The following SH3TC1 variants were observed in gnomAD, a reference collection of about 807,000 sequenced individuals.
SH3TC1 encodes the protein SH3 domain and tetratricopeptide repeats 1.
SH3TC1 carries 135 observed loss-of-function variants against 117.3 expected under a neutral mutation model. That is an observed-to-expected ratio of 1.15 (90% CI 1.00 to 1.33). The LOEUF is 1.33. Ranked by LOEUF, SH3TC1 falls within the 40% of genes most tolerant of loss-of-function variation. The probability of loss-of-function intolerance (pLI) is 0.00; values close to 1 mark genes in which losing one functional copy is unlikely to be tolerated. For missense variants in SH3TC1, 2,092 were observed against 1,794.3 expected (o/e 1.17, Z -3.00); for synonymous variants, 898 against 816.9 (o/e 1.10, Z -1.69).
chr4:8,208,276 C>T (rs1352081085), intron 2 of SH3TC1, among the ~76,000 whole-genome samples: 4 of 152,106 alleles, frequency 2.6e-5, no homozygotes, highest in Non-Finnish European at 5.9e-5. Flanking sequence ...GGGGCATCTG[C>T]GGGGTGTGTT....
At position 8,227,814 on chromosome 4, in the gene SH3TC1, C is replaced by G. The variant is rs1720664268; in HGVS notation, c.2120C>G (p.Ser707Ter). 5 of 1,612,810 alleles carry G rather than the reference C, an allele frequency of 3.1e-6. No homozygotes were observed. Among genetic ancestry groups the G allele is most frequent in the Non-Finnish European group, 4.2e-6 (5 of 1,179,976 alleles). Residue 707 changes from serine to a stop codon, truncating the protein, a stop_gained, in exon 12 of 18, where the codon TCA becomes TGA. Transcript: ENST00000245105. LOFTEE classifies it high-confidence loss of function. The stretch of plus-strand genomic sequence containing the variant: ...GGAGCCCCAGAGGCCGCGTGGCTCT[C>G]AGACTGCTACCTACTCCTGGCTGAC... The part of the protein sequence containing the change: ...DSGAPEAAWL[S>*]DCYLLLADIY...
rs772989573 is a variant in SH3TC1 at position 8,237,654 on chromosome 4, T to C, written c.3737T>C (p.Ile1246Thr). 1.2e-6 allele frequency: 2 copies of C among 1,606,174 alleles called. 1 individual carries two copies. The highest frequency in any genetic ancestry group is 2.2e-5 in the South Asian group (2 of 89,912). Residue 1246 changes from isoleucine to threonine, a missense_variant, in exon 17 of 18, where the codon ATC (isoleucine) becomes ACC (threonine). Physicochemically the swap from Ile to Thr is moderately conservative, Grantham distance 89 (BLOSUM62 -1). Transcript: ENST00000245105. Reference protein sequence around the residue: ...VKVYLVLGDIIFYDLKDPFDA... With the variant: ...VKVYLVLGDITFYDLKDPFDA... ...GTGTACCTGGTGCTCGGTGACATCA[T>C]CTTCTACGACCTGAAGGTGGGTGGG...
rs1050395109 is a variant in SH3TC1 at position 8,228,360 on chromosome 4, C to A, written c.2666C>A (p.Ala889Asp). Residue 889 changes from alanine (A) to aspartate (D), a missense_variant, in exon 12 of 18, where the codon GCC becomes GAC. By Grantham distance (126) the Ala-to-Asp change is moderately radical. Coordinates refer to ENST00000245105, the MANE Select transcript of SH3TC1 (RefSeq NM_018986.5). ...CAGGCAGCTGAGAGCTACTACCGCGCCCTGCGGGTGGCTCGGGACCTGGGC... is the reference window on the plus strand; with the variant it reads ...CAGGCAGCTGAGAGCTACTACCGCGACCTGCGGGTGGCTCGGGACCTGGGC... ...TRQAAESYYR[A>D]LRVARDLGQQ... The A allele has an allele frequency of 5.0e-6, 8 of 1,611,814 alleles. No homozygotes were observed. The highest frequency in any genetic ancestry group is 6.8e-6 in the Non-Finnish European group (8 of 1,179,750).
chr4:8,188,764 C>A (rs1717314850), intron 1 of SH3TC1, among the ~76,000 whole-genome samples: 1 of 152,236 alleles, frequency 6.6e-6, no homozygotes, highest in East Asian at 1.9e-4. Flanking sequence ...CTGGGAGACA[C>A]CCCAGCGGGT....
chr4:8,237,825 C>G (rs1721963664), intron 17 of SH3TC1, among the ~76,000 whole-genome samples, 155 bp downstream of exon 17: 1 of 152,142 alleles, frequency 6.6e-6, no homozygotes, highest in Non-Finnish European at 1.5e-5. Context: ...GCAAGGTTAG[C>G]AGACACAACC....
At chr4:8,202,740 TGACTGTGG>T (rs1463227725) in intron 1 of SH3TC1, among the ~76,000 whole-genome samples, 6 of 152,200 alleles carry the variant, frequency 3.9e-5, no homozygotes, top group Admixed American at 2.6e-4. Context: ...GAGCCTTCCC[TGACTGTGG>T]GATTCCCTCC....
At chr4:8,232,305 G>T (rs1222286229) in intron 13 of SH3TC1, 149 bp downstream of exon 13, 5 of 1,466,176 alleles carry the variant, frequency 3.4e-6, no homozygotes, top group Non-Finnish European at 4.6e-6. Context: ...GAGCTGGGGG[G>T]CCTGGGGTTG....
intron 1 of SH3TC1, among the ~76,000 whole-genome samples, chr4:8,204,118 G>C (rs1718011426): frequency 6.6e-6 from 1 of 152,214 alleles, no homozygotes; most frequent in African/African-American, 2.4e-5. Context: ...CCAGACAGAG[G>C]TCAGAGGCAT....
At chr4:8,194,332 G>A (rs1717498369), upstream of SH3TC1, among the ~76,000 whole-genome samples, 1 of 152,222 alleles carries the variant, frequency 6.6e-6, no homozygotes, top group East Asian at 1.9e-4. Context: ...ACCTGGGAGA[G>A]TCACAGAAAA....
At chr4:8,215,694 G>T (rs1318814460) in intron 5 of SH3TC1, among the ~76,000 whole-genome samples, 1 of 152,216 alleles carries the variant, frequency 6.6e-6, no homozygotes, top group South Asian at 2.1e-4. Context: ...CAGAGACAAG[G>T]CTTCACCTGA....
In SH3TC1 at chr4:8,225,359, G is replaced by A. The variant is rs986918990; in HGVS notation, c.1285+143G>A. 1 of 902,302 alleles carries A rather than the reference G, an allele frequency of 1.1e-6. No homozygotes were observed. 55.9% of individuals were successfully genotyped at this position (902,302 alleles called of 1,614,324 possible). Reference sequence around the variant, plus strand: ...GGTGTGGGCTGGGGGCTTGGGGGAGGTTGCCTGAGGTGGGCCTGAACCTCC... The same window carrying A: ...GGTGTGGGCTGGGGGCTTGGGGGAGATTGCCTGAGGTGGGCCTGAACCTCC... On this transcript the variant is annotated intron_variant, in intron 11 of 17. Coordinates refer to ENST00000245105, the MANE Select transcript of SH3TC1 (RefSeq NM_018986.5). The surrounding 1 kb of genome is among the most constrained non-coding windows in gnomAD (Gnocchi z 5.5).
intron 4 of SH3TC1, 52 bp downstream of exon 4, chr4:8,212,880 G>T (rs1321447867): frequency 1.3e-6 from 2 of 1,496,572 alleles, no homozygotes; most frequent in African/African-American, 2.8e-5. Context: ...GTCAGGGGGA[G>T]GGAGGGGCTG....
intron 9 of SH3TC1, among the ~76,000 whole-genome samples, chr4:8,221,260 G>A (rs1224693082): frequency 6.6e-6 from 1 of 152,188 alleles, no homozygotes; most frequent in East Asian, 1.9e-4. Flanking sequence ...GAAGAGCCAG[G>A]GAATGAGCTA....
chr4:8,201,435 T>A (rs889763392), intron 1 of SH3TC1: 8 of 152,438 alleles, frequency 5.2e-5, no homozygotes, highest in African/African-American at 1.9e-4. Context: ...GGCTGGAGCC[T>A]GTTCTGACCC....
chr4:8,236,984 G>A lies in SH3TC1; in HGVS notation c.3557-490G>A, dbSNP rs978272067. The A allele has an allele frequency of 4.8e-5, 8 of 165,110 alleles. No individual in the cohort carries two copies. The East Asian group carries it at 1.1e-3, about 22-fold the overall frequency. The allele number at this position is 165,110 out of a possible 1,614,324, so 10.2% of individuals were successfully genotyped here. A position where few individuals can be genotyped will look rare whatever the true frequency, so the allele number is the denominator to read the frequency against. The stretch of plus-strand genomic sequence containing the variant: ...GCCGCGTGGGAATGCATTGAATGCA[G>A]GCTCCACAGCACTCACCCTGAAAAG... On this transcript the variant is annotated intron_variant, in intron 16 of 17. Transcript: ENST00000245105.
intron 13 of SH3TC1, chr4:8,233,055 G>A: frequency 8.0e-7 from 1 of 1,244,672 alleles, no homozygotes; most frequent in Non-Finnish European, 1.0e-6. Flanking sequence ...TCTGAACACT[G>A]ATGGCTCCTG....
intron 7 of SH3TC1, among the ~76,000 whole-genome samples, chr4:8,218,058 G>A (rs559050631): frequency 6.1e-4 from 93 of 152,298 alleles, no homozygotes; most frequent in African/African-American, 2.0e-3. Context: ...AGGGGTGCGG[G>A]GCTCCCTGGG....
At chr4:8,218,775 C>T (rs971187076) in intron 8 of SH3TC1, among the ~76,000 whole-genome samples, 1 of 152,264 alleles carries the variant, frequency 6.6e-6, no homozygotes, top group Non-Finnish European at 1.5e-5. Context: ...TTGCCACGTG[C>T]ACTAACAGAG....
intron 3 of SH3TC1, 124 bp from the exon 4 acceptor site, chr4:8,212,577 G>A (rs1718842353): frequency 7.4e-7 from 1 of 1,359,584 alleles, no homozygotes; most frequent in Non-Finnish European, 1.0e-6. Context: ...GGCTCCCCAG[G>A]AGCTCACTGC....
Sources: allele counts gnomAD v4.1 joint callset (sites outside exome capture counted in the v4.1 genomes callset), GRCh38; gene constraint gnomAD v4.1.1; non-coding constraint Gnocchi (gnomAD v3.1); transcripts MANE v1.5; gene names NCBI Gene and HGNC (gene_info 2026-07-23, HGNC 2026-07-21).